The following OBI1 variants were observed in gnomAD, a reference collection of about 807,000 sequenced individuals.
OBI1 encodes the protein ring finger protein 219.
In OBI1, 59 loss-of-function variants were observed where a neutral mutation model predicts 62.4. That is an observed-to-expected ratio of 0.95 (90% CI 0.77 to 1.17). The LOEUF (loss-of-function observed/expected upper bound fraction) is 1.17. OBI1 is among the 50% of genes most tolerant of loss of function. The probability of loss-of-function intolerance (pLI) is 0.00; values close to 1 mark genes in which losing one functional copy is unlikely to be tolerated. For missense variants in OBI1, 875 were observed against 830.9 expected, an observed-to-expected ratio of 1.05 and a Z score of -0.65; for synonymous variants, 302 against 292.8, an observed-to-expected ratio of 1.03 and a Z score of -0.32.
At chr13:78,647,816 G>A (rs545430751) in intron 1 of OBI1, among the ~76,000 whole-genome samples, 9 of 130,826 alleles carry the variant, frequency 6.9e-5, no homozygotes, top group African/African-American at 2.0e-4. Context: ...TTTGAGTCTC[G>A]TTACAAAGAG....
rs73537060 is a variant in OBI1, at chr13:78,646,687, G to A, written c.73-1690C>T. Among the ~76,000 whole-genome samples, 800 of 151,996 alleles carry A rather than the reference G, an allele frequency of 5.3e-3. 5 individuals are homozygous for A. Among genetic ancestry groups the A allele is most frequent in the African/African-American group, 0.017 (716 of 41,416 alleles). ...AGAACCACCACAAACCACTTTTCTC[G>A]GAGAAAATGCTTGTGCTACTCTATG... On this transcript the variant is annotated intron_variant, in intron 1 of 5. Coordinates refer to ENST00000282003, the MANE Select transcript of OBI1 (RefSeq NM_024546.4).
chr13:78,656,988 T>C (rs1193646280), intron 1 of OBI1, among the ~76,000 whole-genome samples: 4 of 151,898 alleles, frequency 2.6e-5, no homozygotes, highest in African/African-American at 9.7e-5. Flanking sequence ...TTTCACCATA[T>C]TGGCCATGCT....
Position 78,659,108 on chromosome 13 carries a change from C to A in OBI1, c.13G>T (p.Val5Leu), listed in dbSNP as rs760989476. MAQT[V>L]QNVTLSLTLP... ...GTGAGCGACAATGTAACATTCTGCA[C>A]GGTCTGAGCCATGGCAGCGTTCAGA... The change falls in exon 1 of 6, where the codon GTG becomes TTG. Residue 5 changes from valine (V) to leucine (L), a missense_variant. Physicochemically the swap from Val to Leu is conservative, Grantham distance 32. Coordinates refer to ENST00000282003, the MANE Select transcript of OBI1 (RefSeq NM_024546.4). 1.2e-6 allele frequency: 2 copies of A among 1,611,628 alleles called. No individual in the cohort carries two copies. The highest frequency in any genetic ancestry group is 1.7e-6 in the Non-Finnish European group (2 of 1,179,236).
intron 5 of OBI1, among the ~76,000 whole-genome samples, chr13:78,627,281 A>AT (rs1382733051): frequency 6.7e-6 from 1 of 148,242 alleles, no homozygotes; most frequent in Non-Finnish European, 1.5e-5. Context: ...ACATTCCCCC[A>AT]TCCCACCTCT....
intron 1 of OBI1, among the ~76,000 whole-genome samples, chr13:78,655,809 C>T (rs1282431061): frequency 1.3e-5 from 2 of 152,190 alleles, no homozygotes; most frequent in South Asian, 2.1e-4. Context: ...ACCTTAGGAA[C>T]ATTCTTAGAA....
chr13:78,617,301 A>G (rs1009856192), intron 5 of OBI1, 179 bp from the exon 6 acceptor site: 8 of 492,246 alleles, frequency 1.6e-5, no homozygotes, highest in African/African-American at 1.6e-4. Context: ...CACTTACATA[A>G]TAATAAACAT....
At chr13:78,621,859 G>A (rs956673318) in intron 5 of OBI1, among the ~76,000 whole-genome samples, 1 of 152,182 alleles carries the variant, frequency 6.6e-6, no homozygotes, top group African/African-American at 2.4e-5. Context: ...GGAAGTTGAT[G>A]CAAACTTAGG....
At chr13:78,624,081 C>T (rs1286319628) in intron 5 of OBI1, among the ~76,000 whole-genome samples, 1 of 152,144 alleles carries the variant, frequency 6.6e-6, no homozygotes, top group African/African-American at 2.4e-5. Context: ...CAGGTATCTT[C>T]AACTACAAGT....
intron 5 of OBI1, among the ~76,000 whole-genome samples, chr13:78,627,302 T>C (rs985150096): frequency 2.1e-5 from 3 of 141,640 alleles, no homozygotes; most frequent in Admixed American, 2.1e-4. Context: ...ACCTGTTTTA[T>C]TTATTCTAAA....
rs557439853 is a variant in OBI1 at position 78,642,221 on chromosome 13, GAA to G, written c.209-10_209-9del. The stretch of plus-strand genomic sequence containing the variant: ...CACTTTCACTTGTTCCTCCTGTAGG[GAA>G]AAAAAAAAAAATCCTAATTTTTCAT... On this transcript the variant is annotated splice_polypyrimidine_tract_variant and intron_variant, in intron 2 of 5. Transcript: ENST00000282003. The G allele has an allele frequency of 1.8e-3, 2,257 of 1,220,426 alleles. No individual in the cohort carries two copies. The highest frequency in any genetic ancestry group is 2.0e-3 in the Non-Finnish European group (1,786 of 883,476). 75.6% of individuals were successfully genotyped at this position (1,220,426 alleles called of 1,614,324 possible). A position where few individuals can be genotyped will look rare whatever the true frequency, so the allele number is the denominator to read the frequency against.
chr13:78,632,331 T>C (rs1215033341), intron 5 of OBI1, among the ~76,000 whole-genome samples: 2 of 152,112 alleles, frequency 1.3e-5, no homozygotes, highest in Admixed American at 6.5e-5. Context: ...TCCAAAACTG[T>C]GGGAAAATAA....
intron 5 of OBI1, among the ~76,000 whole-genome samples, chr13:78,634,517 G>A (rs543676299): frequency 7.2e-5 from 11 of 151,978 alleles, no homozygotes; most frequent in Non-Finnish European, 1.3e-4. Flanking sequence ...GGCTGGTCTC[G>A]AACTCCTGAC....
In OBI1 at chr13:78,657,717, A is replaced by AT. The variant is rs200539822; in HGVS notation, c.72+1331dup. Among the ~76,000 whole-genome samples the AT allele has an allele frequency of 7.7e-3, 1,172 of 152,350 alleles. 14 individuals carry two copies. The highest frequency in any genetic ancestry group is 0.025 in the African/African-American group (1,023 of 41,584). The stretch of plus-strand genomic sequence containing the variant: ...TGTGTACAAAATACTTCCCAAGAAT[A>AT]TTTTTATCAGCCTTTAAAGCCAGTG... On this transcript the variant is annotated intron_variant, in intron 1 of 5. Transcript: ENST00000282003.
At chr13:78,637,718 T>C (rs1193966318) in intron 4 of OBI1, among the ~76,000 whole-genome samples, 1 of 152,230 alleles carries the variant, frequency 6.6e-6, no homozygotes, top group African/African-American at 2.4e-5. Flanking sequence ...AAAGAAACTA[T>C]GCACTTCTCC....
Position 78,638,793 on chromosome 13 carries a change from C to G in OBI1, c.549+30G>C, listed in dbSNP as rs111277093. 23 of 1,574,138 alleles carry G rather than the reference C, an allele frequency of 1.5e-5. No homozygotes were observed. The African/African-American group carries it at 3.1e-4, about 21-fold the overall frequency. On this transcript the variant is annotated intron_variant, in intron 4 of 5. Coordinates refer to ENST00000282003, the MANE Select transcript of OBI1 (RefSeq NM_024546.4). The stretch of plus-strand genomic sequence containing the variant: ...TGAAGGTACTTATTTTAAAAACAAC[C>G]ATAATAGATTTTTAAAAACCACAAC...
chr13:78,635,631 T>A (rs973007420), intron 4 of OBI1, among the ~76,000 whole-genome samples: 2 of 152,202 alleles, frequency 1.3e-5, no homozygotes, highest in African/African-American at 4.8e-5. Flanking sequence ...TTTAAAAATT[T>A]TTTTCTAGTG....
chr13:78,653,321 T>C (rs1325515781), intron 1 of OBI1, among the ~76,000 whole-genome samples: 1 of 152,158 alleles, frequency 6.6e-6, no homozygotes, highest in East Asian at 1.9e-4. Flanking sequence ...CAATGAGAAA[T>C]GTCTCCACAC....
rs543695658 is a variant in OBI1 at position 78,635,617 on chromosome 13, G to A, written c.550-419C>T. On this transcript the variant is annotated intron_variant, in intron 4 of 5. Coordinates refer to ENST00000282003, the MANE Select transcript of OBI1 (RefSeq NM_024546.4). The stretch of plus-strand genomic sequence containing the variant: ...GAGCTTTGAAATTGATTTCTGGGGT[G>A]CTGTTTAAAAATTTTTTTCTAGTGA... Among the ~76,000 whole-genome samples, 298 of 152,266 alleles carry A rather than the reference G, an allele frequency of 2.0e-3. 1 individual carries two copies. The highest frequency in any genetic ancestry group is 6.7e-3 in the African/African-American group (280 of 41,548).
rs555471154 is a variant in OBI1, at chr13:78,644,761, T to C, written c.208+101A>G. The C allele has an allele frequency of 5.6e-4, 727 of 1,299,494 alleles. 12 individuals carry two copies. The South Asian group carries it at 7.8e-3, about 14-fold the overall frequency. The allele number at this position is 1,299,494 out of a possible 1,614,324, so 80.5% of individuals were successfully genotyped here. A position where few individuals can be genotyped will look rare whatever the true frequency, so the allele number is the denominator to read the frequency against. ...ACCACTCAGTATTATGTTGGCCAAA[T>C]AGCATCACTGAAAATAGCCTATTTC... On this transcript the variant is annotated intron_variant, in intron 2 of 5. Transcript: ENST00000282003.
Sources: gnomAD v4.1 joint callset for allele counts (sites outside exome capture counted in the v4.1 genomes callset) on GRCh38, gnomAD v4.1.1 for gene constraint, MANE v1.5 for transcripts, NCBI Gene and HGNC (gene_info 2026-07-23, HGNC 2026-07-21) for gene names.